The following CALN1 variants were observed in gnomAD, a reference collection of about 807,000 sequenced individuals.
CALN1 encodes calneuron 1, also known as calcium-binding protein 8.
Under a neutral mutation model 30.6 loss-of-function variants are expected in CALN1, and 17 were observed. That is an observed-to-expected ratio of 0.56 (90% CI 0.38 to 0.83). The LOEUF (loss-of-function observed/expected upper bound fraction) is 0.83. Ranked by LOEUF, CALN1 falls within the 40% of genes least tolerant of loss-of-function variation. The pLI is 0.00. For missense variants in CALN1, 291 were observed against 354.9 expected (o/e 0.82, Z 1.45); for synonymous variants, 156 against 131.4 (o/e 1.19, Z -1.28).
At chr7:71,915,797 G>A (rs1330885861) in intron 5 of CALN1, among the ~76,000 whole-genome samples, 1 of 151,692 alleles carries the variant, frequency 6.6e-6, no homozygotes, top group Non-Finnish European at 1.5e-5. Context: ...AGGGCCCTGA[G>A]GATAAGGAAC....
At chr7:72,404,512 C>T (rs2129562223) in intron 1 of CALN1, among the ~76,000 whole-genome samples, 1 of 152,318 alleles carries the variant, frequency 6.6e-6, no homozygotes, top group East Asian at 1.9e-4. Flanking sequence ...CCCCGGCCAC[C>T]ATGGATCAGG....
At chr7:72,059,184 T>A (rs1407920562) in intron 4 of CALN1, among the ~76,000 whole-genome samples, 1 of 152,214 alleles carries the variant, frequency 6.6e-6, no homozygotes, top group African/African-American at 2.4e-5. Flanking sequence ...GGAATGTCAT[T>A]CCATCTATGG....
At chr7:72,220,675 C>T (rs1020170577) in intron 3 of CALN1, among the ~76,000 whole-genome samples, 2 of 152,110 alleles carry the variant, frequency 1.3e-5, no homozygotes, top group African/African-American at 4.8e-5. Context: ...TAAAAGTGTT[C>T]CTATTTCTCC....
At chr7:71,963,175 A>T (rs556444206) in intron 5 of CALN1, among the ~76,000 whole-genome samples, 58 of 151,910 alleles carry the variant, frequency 3.8e-4, no homozygotes, top group Non-Finnish European at 6.5e-4. Context: ...TATTATTATT[A>T]TTTTTGAGAC....
intron 4 of CALN1, among the ~76,000 whole-genome samples, chr7:72,096,124 A>T (rs935894579): frequency 1.3e-5 from 2 of 152,126 alleles, no homozygotes; most frequent in Non-Finnish European, 2.9e-5. Context: ...GAAAATTCTG[A>T]TTCAGCAAGT....
At chr7:71,967,647 GA>G (rs1290763251) in intron 5 of CALN1, among the ~76,000 whole-genome samples, 15 of 109,406 alleles carry the variant, frequency 1.4e-4, no homozygotes, top group African/African-American at 3.6e-4. Context: ...AAAAAAGAAA[GA>G]AAAGAAAAGA....
chr7:72,014,743 C>T (rs1800282098), intron 5 of CALN1, among the ~76,000 whole-genome samples: 1 of 152,044 alleles, frequency 6.6e-6, no homozygotes, highest in Admixed American at 6.6e-5. Flanking sequence ...CTCCCTGCAG[C>T]CTCGACCTCC....
intron 5 of CALN1, among the ~76,000 whole-genome samples, chr7:71,930,737 T>G (rs1349653880): frequency 6.6e-6 from 1 of 152,226 alleles, no homozygotes; most frequent in African/African-American, 2.4e-5. Context: ...TCCAACTTCA[T>G]TCTCTCGCGT....
the CALN1 span, among the ~76,000 whole-genome samples, chr7:72,455,079 C>A: frequency 2.0e-5 from 3 of 152,132 alleles, no homozygotes; most frequent in African/African-American, 7.2e-5. Context: ...TATCCGCACA[C>A]CTTGGCCTCC....
At chr7:72,221,955 G>C (rs1295218767) in intron 3 of CALN1, among the ~76,000 whole-genome samples, 1 of 151,938 alleles carries the variant, frequency 6.6e-6, no homozygotes, top group Non-Finnish European at 1.5e-5. Context: ...GCCAGGTGCA[G>C]TGGCTCACGC....
intron 5 of CALN1, among the ~76,000 whole-genome samples, chr7:71,920,976 C>G (rs1794914806): frequency 6.6e-6 from 1 of 152,108 alleles, no homozygotes; most frequent in Non-Finnish European, 1.5e-5. Context: ...CAGTGATAGA[C>G]TGGATAAAGA....
chr7:72,412,366 A>G (rs1807245566), upstream of CALN1: 2 of 152,146 alleles, frequency 1.3e-5, no homozygotes, highest in Non-Finnish European at 1.5e-5. Context: ...GCCAGCTTTT[A>G]TTCTCTTATT....
At chr7:72,475,941 C>CTCT in the CALN1 span, among the ~76,000 whole-genome samples, 284 of 75,948 alleles carry the variant, frequency 3.7e-3, 18 homozygotes, top group African/African-American at 0.015. Context: ...CTCTCTCTCT[C>CTCT]TTTTTTTTTT....
chr7:72,488,191 C>A, the CALN1 span, among the ~76,000 whole-genome samples: 4 of 151,452 alleles, frequency 2.6e-5, no homozygotes, highest in African/African-American at 9.7e-5. Context: ...CATAACAAGA[C>A]CCTATCTGTA....
At chr7:71,819,203 T>C (rs942198554) in intron 5 of CALN1, among the ~76,000 whole-genome samples, 7 of 150,178 alleles carry the variant, frequency 4.7e-5, no homozygotes, top group African/African-American at 1.7e-4. Flanking sequence ...AAATTTACTA[T>C]TTTATTCTTT....
intron 2 of CALN1, among the ~76,000 whole-genome samples, chr7:72,359,881 G>C (rs888464894): frequency 6.7e-6 from 1 of 150,162 alleles, no homozygotes; most frequent in Non-Finnish European, 1.5e-5. Context: ...GGAGGCTGAG[G>C]CAGGAGAACG....
At chr7:72,077,774 G>C (rs1183084579) in intron 4 of CALN1, among the ~76,000 whole-genome samples, 1 of 152,146 alleles carries the variant, frequency 6.6e-6, no homozygotes, top group African/African-American at 2.4e-5. Flanking sequence ...TTTGATCATC[G>C]TGCTCCCAGG....
chr7:72,357,868 G>T (rs948140546), intron 2 of CALN1, among the ~76,000 whole-genome samples: 29 of 146,928 alleles, frequency 2.0e-4, no homozygotes, highest in African/African-American at 7.2e-4. Flanking sequence ...ATATATGTGT[G>T]TTTTTTTTTA....
In CALN1 at chr7:72,308,147, TGAGGTCAGGG is replaced by T. The variant is rs537061921; in HGVS notation, c.120-29347_120-29338del. Among the ~76,000 whole-genome samples, 5 of 152,252 alleles carry T rather than the reference TGAGGTCAGGG, an allele frequency of 3.3e-5. No homozygotes were observed. In the South Asian group the frequency reaches 1.0e-3, roughly 32 times the overall value. Reference sequence around the variant, plus strand: ...GGGGGGCCGAGGCAGGTGGATTGCTTGAGGTCAGGGGTTTGAGGCCATCCCCGCCAACATG... The same window carrying T: ...GGGGGGCCGAGGCAGGTGGATTGCTTGTTTGAGGCCATCCCCGCCAACATG... On this transcript the variant is annotated intron_variant, in intron 2 of 6. Coordinates refer to ENST00000395275, the MANE Select transcript of CALN1 (RefSeq NM_031468.4).
Sources: gnomAD v4.1 joint callset for allele counts (sites outside exome capture counted in the v4.1 genomes callset) on GRCh38, gnomAD v4.1.1 for gene constraint, MANE v1.5 for transcripts, NCBI Gene and HGNC (gene_info 2026-07-23, HGNC 2026-07-21) for gene names.